HMGB1: variants seen among roughly 807,000 people sequenced by gnomAD.
The protein encoded by HMGB1 is high mobility group protein B1.
For missense variants in HMGB1, 79 were observed against 253.5 expected (o/e 0.31, Z 4.67); for synonymous variants, 81 against 84.0 (o/e 0.96, Z 0.19).
intron 1 of HMGB1, among the ~76,000 whole-genome samples, chr13:30,507,077 T>A (rs1012807014): frequency 6.6e-6 from 1 of 152,228 alleles, no homozygotes; most frequent in Admixed American, 6.5e-5. Context: ...TTCATCAGAA[T>A]GGCATTCAAG....
chr13:30,582,562 C>T (rs1299696312), intron 1 of HMGB1, among the ~76,000 whole-genome samples: 2 of 151,702 alleles, frequency 1.3e-5, no homozygotes, highest in Non-Finnish European at 2.9e-5. Flanking sequence ...GGCATGAACC[C>T]GGGAGGTGGA....
chr13:30,538,505 T>TC (rs1237115885), intron 1 of HMGB1, among the ~76,000 whole-genome samples: 1 of 124,946 alleles, frequency 8.0e-6, no homozygotes, highest in Non-Finnish European at 1.6e-5. Flanking sequence ...TTTCTTTCTT[T>TC]CTTTCCTTTC....
intron 1 of HMGB1, among the ~76,000 whole-genome samples, chr13:30,583,528 C>CAAAAA (rs35519297): frequency 1.5e-5 from 1 of 66,958 alleles, no homozygotes; most frequent in Non-Finnish European, 2.9e-5. Flanking sequence ...ACCTGGTCTC[C>CAAAAA]AAAAAAAAAA....
At chr13:30,553,674 C>T (rs1250184155) in intron 1 of HMGB1, 3 of 790,474 alleles carry the variant, frequency 3.8e-6, no homozygotes, top group Non-Finnish European at 6.6e-6. Context: ...CCCAGCCATG[C>T]CCACCATCAT....
At chr13:30,493,347 T>C (rs114477426) in intron 1 of HMGB1, among the ~76,000 whole-genome samples, 56 of 152,368 alleles carry the variant, frequency 3.7e-4, no homozygotes, top group African/African-American at 1.3e-3. Context: ...CTACATATTA[T>C]ATGTTTTCAT....
chr13:30,610,406 G>A (rs1950503052), intron 1 of HMGB1, among the ~76,000 whole-genome samples: 2 of 152,224 alleles, frequency 1.3e-5, no homozygotes, highest in Non-Finnish European at 2.9e-5. Context: ...AAAGCAATCT[G>A]TAAAGGACAT....
intron 1 of HMGB1, among the ~76,000 whole-genome samples, chr13:30,486,869 G>A (rs1887376167): frequency 6.6e-6 from 1 of 152,136 alleles, no homozygotes; most frequent in South Asian, 2.1e-4. Flanking sequence ...AGAAAGGGAA[G>A]CTGCTCCAAC....
rs142224152 is a variant in HMGB1, at chr13:30,474,467, C to A, written c.-14-10773G>T. ...TAAACAAGCGCTTTTATAGGGATACCGTGGGAGGCTTTTCTGGAGAGCCGG... is the reference window on the plus strand; with the variant it reads ...TAAACAAGCGCTTTTATAGGGATACAGTGGGAGGCTTTTCTGGAGAGCCGG... On this transcript the variant is annotated intron_variant, in intron 1 of 4. Coordinates refer to the HMGB1 transcript ENST00000405805. 6.9e-4 allele frequency among the ~76,000 whole-genome samples: 105 copies of A among 152,218 alleles called. No individual in the cohort carries two copies. In the East Asian group the frequency reaches 0.014, roughly 21 times the overall value.
chr13:30,544,833 C>T (rs1005716887), intron 1 of HMGB1, among the ~76,000 whole-genome samples: 7 of 152,174 alleles, frequency 4.6e-5, no homozygotes, highest in African/African-American at 1.7e-4. Context: ...GATTTACCTC[C>T]ATTTTTATTC....
chr13:30,594,813 T>C (rs1871531684), intron 1 of HMGB1, among the ~76,000 whole-genome samples: 3 of 152,194 alleles, frequency 2.0e-5, no homozygotes, highest in African/African-American at 7.2e-5. Context: ...TAGAACTAAT[T>C]TGCATTCCCA....
upstream of HMGB1, among the ~76,000 whole-genome samples, chr13:30,470,832 A>G (rs1230795694): frequency 6.6e-6 from 1 of 152,048 alleles, no homozygotes; most frequent in African/African-American, 2.4e-5. Flanking sequence ...TATTTTTAGT[A>G]GAGACGGGGT....
In HMGB1 at chr13:30,534,552, T is replaced by A. The variant is rs9551932; in HGVS notation, c.-14-70858A>T. On this transcript the variant is annotated intron_variant, in intron 1 of 4. Coordinates refer to the HMGB1 transcript ENST00000405805. ...TTTGGAAGCACCTATTATGTTATCATCCTTATCTTACTCTTTTTTTCTATG... is the reference window on the plus strand; with the variant it reads ...TTTGGAAGCACCTATTATGTTATCAACCTTATCTTACTCTTTTTTTCTATG... Among the ~76,000 whole-genome samples, 3 of 152,096 alleles carry A rather than the reference T, an allele frequency of 2.0e-5. No individual in the cohort carries two copies. In the East Asian group the frequency reaches 5.8e-4, roughly 29 times the overall value.
At chr13:30,497,447 T>TTTTTG (rs1555234835) in intron 1 of HMGB1, among the ~76,000 whole-genome samples, 29 of 151,024 alleles carry the variant, frequency 1.9e-4, no homozygotes, top group Admixed American at 1.7e-3. Context: ...GCCAGGCTGT[T>TTTTTG]TTTTTTTTTT....
intron 1 of HMGB1, among the ~76,000 whole-genome samples, chr13:30,494,935 C>T (rs751212321): frequency 3.3e-5 from 5 of 152,166 alleles, no homozygotes; most frequent in Non-Finnish European, 5.9e-5. Flanking sequence ...ATTTGTACTT[C>T]TGTGATTGGT....
chr13:30,583,601 C>A (rs1871003821), intron 1 of HMGB1, among the ~76,000 whole-genome samples: 2 of 149,212 alleles, frequency 1.3e-5, no homozygotes, highest in Non-Finnish European at 1.5e-5. Context: ...TTTGGGAGGC[C>A]AAGGCAGGCC....
At chr13:30,608,065 G>A (rs1326748498) in intron 1 of HMGB1, among the ~76,000 whole-genome samples, 1 of 152,142 alleles carries the variant, frequency 6.6e-6, no homozygotes, top group Non-Finnish European at 1.5e-5. Context: ...GTTAGGTTGT[G>A]AAAGACACTG....
chr13:30,492,692 C>T (rs1887523745), intron 1 of HMGB1, among the ~76,000 whole-genome samples: 1 of 151,938 alleles, frequency 6.6e-6, no homozygotes, highest in East Asian at 1.9e-4. Flanking sequence ...CTGATAGCTT[C>T]TTTAAAAGTT....
At chr13:30,574,160 C>T (rs562927822) in intron 1 of HMGB1, among the ~76,000 whole-genome samples, 13 of 152,342 alleles carry the variant, frequency 8.5e-5, no homozygotes, top group South Asian at 8.3e-4. Context: ...AGCCACTTCC[C>T]ATATGAAATC....
intron 1 of HMGB1, among the ~76,000 whole-genome samples, chr13:30,479,875 CTT>C (rs1332496849): frequency 2.0e-5 from 3 of 152,252 alleles, no homozygotes; most frequent in African/African-American, 7.2e-5. Flanking sequence ...GCTTTAAAAA[CTT>C]TTTATTTAAT....
Sources: allele counts gnomAD v4.1 joint callset (sites outside exome capture counted in the v4.1 genomes callset), GRCh38; gene constraint gnomAD v4.1.1; transcripts MANE v1.5; gene names NCBI Gene and HGNC (gene_info 2026-07-23, HGNC 2026-07-21).